The following GALNTL6 variants were observed in gnomAD, a reference collection of about 807,000 sequenced individuals.
GALNTL6 encodes the protein polypeptide N-acetylgalactosaminyltransferase-like 6.
GALNTL6 carries 46 observed loss-of-function variants against 73.7 expected under a neutral mutation model. The observed-to-expected ratio is 0.62, with a 90% CI of 0.49 to 0.80. The LOEUF is 0.80. GALNTL6 is among the 30% of genes least tolerant of loss of function. GALNTL6 has a pLI of 0.00. For missense variants in GALNTL6, 604 were observed against 755.0 expected (o/e 0.80, Z 2.34); for synonymous variants, 259 against 263.7 (o/e 0.98, Z 0.17).
chr4:172,239,759 G>A (rs1195772214), intron 3 of GALNTL6, among the ~76,000 whole-genome samples: 5 of 152,004 alleles, frequency 3.3e-5, no homozygotes, highest in Admixed American at 1.3e-4. Flanking sequence ...GCGTTGTGTG[G>A]TTAATTTTAG....
chr4:172,410,595 T>G (rs903554500), intron 5 of GALNTL6, among the ~76,000 whole-genome samples: 2 of 152,144 alleles, frequency 1.3e-5, no homozygotes, highest in Non-Finnish European at 2.9e-5. Context: ...CCTTATGGTC[T>G]GCAAAGTTAT....
intron 2 of GALNTL6, among the ~76,000 whole-genome samples, chr4:172,218,151 C>G (rs919585213): frequency 1.1e-4 from 16 of 151,998 alleles, no homozygotes; most frequent in African/African-American, 3.4e-4. Flanking sequence ...CATAAGTTCC[C>G]CTTCATAAGT....
intron 2 of GALNTL6, among the ~76,000 whole-genome samples, chr4:172,014,946 T>C (rs1329506253): frequency 6.6e-6 from 1 of 152,106 alleles, no homozygotes; most frequent in African/African-American, 2.4e-5. Context: ...TGCAGAAATT[T>C]ATTGAGACTC....
chr4:172,840,936 A>G (rs1021053416), intron 7 of GALNTL6, among the ~76,000 whole-genome samples: 6 of 152,172 alleles, frequency 3.9e-5, no homozygotes, highest in Non-Finnish European at 8.8e-5. Context: ...AGGCATGAGC[A>G]TTTATGCCCA....
At chr4:172,815,903 T>G (rs1741576301) in intron 7 of GALNTL6, among the ~76,000 whole-genome samples, 1 of 152,204 alleles carries the variant, frequency 6.6e-6, no homozygotes, top group African/African-American at 2.4e-5. Flanking sequence ...GTGTCCACTT[T>G]GATCTTATAA....
intron 2 of GALNTL6, among the ~76,000 whole-genome samples, chr4:172,059,047 A>G (rs969441642): frequency 4.6e-5 from 7 of 152,210 alleles, no homozygotes; most frequent in Non-Finnish European, 7.4e-5. Flanking sequence ...GAGACAATCA[A>G]TAAACTAAAG....
At chr4:172,926,420 G>A (rs559592081) in intron 8 of GALNTL6, among the ~76,000 whole-genome samples, 9 of 152,148 alleles carry the variant, frequency 5.9e-5, no homozygotes, top group South Asian at 2.1e-4. Context: ...TTTTCATTCC[G>A]CAAATACTCT....
intron 3 of GALNTL6, among the ~76,000 whole-genome samples, chr4:172,253,346 C>A (rs1377641276): frequency 1.3e-5 from 2 of 151,704 alleles, no homozygotes; most frequent in Admixed American, 6.6e-5. Context: ...TGAGAAAGAT[C>A]TAAGCAAAAA....
intron 2 of GALNTL6, among the ~76,000 whole-genome samples, chr4:172,187,675 G>T (rs1735454342): frequency 6.6e-6 from 1 of 151,930 alleles, no homozygotes; most frequent in Middle Eastern, 3.2e-3. Flanking sequence ...GTTCATTTTT[G>T]ACATATTCAT....
chr4:172,537,696 T>A lies in GALNTL6; in HGVS notation c.553+189007T>A, dbSNP rs543984740. 3.9e-5 allele frequency among the ~76,000 whole-genome samples: 6 copies of A among 152,220 alleles called. No homozygotes were observed. The East Asian group carries it at 1.2e-3, about 29-fold the overall frequency. On this transcript the variant is annotated intron_variant, in intron 5 of 12. Coordinates refer to ENST00000506823, the MANE Select transcript of GALNTL6 (RefSeq NM_001034845.3). Reference sequence around the variant, plus strand: ...ATTATATAAGATTTGAGATTTGTAGTAAACCACATGCATAGAAGAGTTCTA... The same window carrying A: ...ATTATATAAGATTTGAGATTTGTAGAAAACCACATGCATAGAAGAGTTCTA...
chr4:172,338,435 TTC>T (rs895221593), intron 4 of GALNTL6, among the ~76,000 whole-genome samples: 3 of 152,118 alleles, frequency 2.0e-5, no homozygotes, highest in Non-Finnish European at 4.4e-5. Flanking sequence ...CGGATTTTTT[TTC>T]TCTCTTTCCC....
intron 2 of GALNTL6, among the ~76,000 whole-genome samples, chr4:171,958,594 C>T (rs1739125250): frequency 6.6e-6 from 1 of 152,026 alleles, no homozygotes; most frequent in Non-Finnish European, 1.5e-5. Context: ...GGTCACAATT[C>T]ACTGTCAATG....
chr4:171,853,036 T>TTTG lies in GALNTL6; in HGVS notation c.138+38318_138+38319insTTG, dbSNP rs869098770. On this transcript the variant is annotated intron_variant, in intron 2 of 12. Coordinates refer to ENST00000506823, the MANE Select transcript of GALNTL6 (RefSeq NM_001034845.3). ...AATTTTTTTTTTTTTTTTTTTTTTTTGTATTTTTAGTAGAGACGGGGTTTC... is the reference window on the plus strand; with the variant it reads ...AATTTTTTTTTTTTTTTTTTTTTTTTTTGGTATTTTTAGTAGAGACGGGGTTTC... Among the ~76,000 whole-genome samples the TTTG allele has an allele frequency of 6.3e-4, 90 of 143,538 alleles. 1 individual carries two copies. Among genetic ancestry groups the TTTG allele is most frequent in the South Asian group, 3.6e-3 (16 of 4,390 alleles). 94.2% of individuals were successfully genotyped at this position (143,538 alleles called of 152,430 possible).
chr4:171,943,192 A>G (rs962972846), intron 2 of GALNTL6, among the ~76,000 whole-genome samples: 2 of 152,228 alleles, frequency 1.3e-5, no homozygotes, highest in African/African-American at 2.4e-5. Context: ...TGTCCAAAAT[A>G]TAAGTTCTTA....
chr4:172,904,089 T>A (rs1209212578), intron 8 of GALNTL6, among the ~76,000 whole-genome samples: 1 of 152,214 alleles, frequency 6.6e-6, no homozygotes, highest in Admixed American at 6.5e-5. Flanking sequence ...TGTAACTGTA[T>A]GTCATCAGTT....
intron 2 of GALNTL6, among the ~76,000 whole-genome samples, chr4:172,058,385 A>G (rs2110875496): frequency 6.6e-6 from 1 of 152,328 alleles, no homozygotes; most frequent in Middle Eastern, 3.4e-3. Context: ...TAAGATCTCG[A>G]AAAATACGAA....
chr4:172,062,412 A>G (rs983119067), intron 2 of GALNTL6, among the ~76,000 whole-genome samples: 4 of 152,164 alleles, frequency 2.6e-5, no homozygotes, highest in Non-Finnish European at 5.9e-5. Flanking sequence ...AATAAGCTCA[A>G]CTGTGCTAAT....
chr4:171,823,019 GA>G (rs1734726339), intron 2 of GALNTL6, among the ~76,000 whole-genome samples: 1 of 152,170 alleles, frequency 6.6e-6, no homozygotes, highest in African/African-American at 2.4e-5. Context: ...CACAAAGACA[GA>G]ATTTGAGTCC....
chr4:172,879,749 GA>G (rs1169333435), intron 7 of GALNTL6, among the ~76,000 whole-genome samples: 1 of 151,258 alleles, frequency 6.6e-6, no homozygotes, highest in African/African-American at 2.4e-5. Context: ...GTAAGCAGAA[GA>G]ATTAAAATAA....
Sources: allele counts gnomAD v4.1 joint callset (sites outside exome capture counted in the v4.1 genomes callset), GRCh38; gene constraint gnomAD v4.1.1; transcripts MANE v1.5; gene names NCBI Gene and HGNC (gene_info 2026-07-23, HGNC 2026-07-21).